CFAP58: variants seen among roughly 807,000 people sequenced by gnomAD.
The protein encoded by CFAP58 is cilia and flagella associated protein 58, also known as cilia- and flagella-associated protein 58.
Under a neutral mutation model 119.5 loss-of-function variants are expected in CFAP58, and 88 were observed. The observed-to-expected ratio is 0.74, with a 90% CI of 0.62 to 0.88. The LOEUF is 0.88. Among genes scored for constraint, CFAP58 ranks in the 40% least tolerant of loss-of-function variants. The probability of loss-of-function intolerance (pLI) is 0.00; values close to 1 mark genes in which losing one functional copy is unlikely to be tolerated. For missense variants in CFAP58, 990 were observed against 1,021.2 expected, an observed-to-expected ratio of 0.97 and a Z score of 0.42; for synonymous variants, 365 against 366.3, an observed-to-expected ratio of 1.00 and a Z score of 0.04.
chr10:104,376,707 G>A, intron 7 of CFAP58, 104 bp from the exon 8 acceptor site: 1 of 799,862 alleles, frequency 1.3e-6, no homozygotes, highest in Middle Eastern at 2.3e-4. Flanking sequence ...TAGTTTTATA[G>A]CTAGAGACAA....
chr10:104,389,658 A>C lies in CFAP58; in HGVS notation c.1366-2575A>C, dbSNP rs543379996. Among the ~76,000 whole-genome samples, 3 of 152,280 alleles carry C rather than the reference A, an allele frequency of 2.0e-5. No homozygotes were observed. The East Asian group carries it at 5.8e-4, about 29-fold the overall frequency. On this transcript the variant is annotated intron_variant, in intron 9 of 17. Transcript: ENST00000369704. ...TTCTATGGTGAAGTCACACCCTACA[A>C]GTGAACTTGAGGGTAGAGAATGTGT...
chr10:104,401,270 G>A (rs930831602), intron 13 of CFAP58, among the ~76,000 whole-genome samples: 1 of 152,158 alleles, frequency 6.6e-6, no homozygotes, highest in Non-Finnish European at 1.5e-5. Context: ...GCAAGAGAGG[G>A]AGCATCAATA....
chr10:104,384,976 A>T (rs2011892244), intron 9 of CFAP58, among the ~76,000 whole-genome samples: 1 of 152,182 alleles, frequency 6.6e-6, no homozygotes, highest in African/African-American at 2.4e-5. Flanking sequence ...TAAGACAGGA[A>T]TGATGGAGGA....
At chr10:104,429,731 A>G (rs1456009528) in intron 15 of CFAP58, among the ~76,000 whole-genome samples, 4 of 152,102 alleles carry the variant, frequency 2.6e-5, no homozygotes, top group African/African-American at 9.7e-5. Context: ...CCTCACTTTT[A>G]TTTTTATAAA....
At position 104,369,936 on chromosome 10, in the gene CFAP58, C is replaced by T. The variant is rs553986423; in HGVS notation, c.931-959C>T. The stretch of plus-strand genomic sequence containing the variant: ...AAGCTTGAAGTCTTTAGACAAAAAT[C>T]GGGTGCTTTTCTTTGCTAGGATTAT... On this transcript the variant is annotated intron_variant, in intron 6 of 17. Transcript: ENST00000369704. 2.1e-3 allele frequency among the ~76,000 whole-genome samples: 314 copies of T among 152,218 alleles called. 1 individual carries two copies. Among genetic ancestry groups the T allele is most frequent in the African/African-American group, 6.2e-3 (258 of 41,540 alleles).
At chr10:104,444,134 T>G (rs1213389326) in intron 15 of CFAP58, among the ~76,000 whole-genome samples, 1 of 152,190 alleles carries the variant, frequency 6.6e-6, no homozygotes, top group African/African-American at 2.4e-5. Flanking sequence ...CATAAAATAG[T>G]GAGGCATGCT....
chr10:104,446,969 C>A (rs1454256125), intron 15 of CFAP58, among the ~76,000 whole-genome samples: 3 of 152,048 alleles, frequency 2.0e-5, no homozygotes, highest in Middle Eastern at 3.2e-3. Flanking sequence ...TACCTCTTCC[C>A]TCAAGACATT....
At chr10:104,407,595 A>C (rs1374075617) in intron 15 of CFAP58, among the ~76,000 whole-genome samples, 3 of 152,194 alleles carry the variant, frequency 2.0e-5, no homozygotes, top group African/African-American at 7.2e-5. Context: ...GTGAAAATGG[A>C]TATTGTGAGG....
At chr10:104,342,490 T>A in the CFAP58 span, among the ~76,000 whole-genome samples, 4 of 151,978 alleles carry the variant, frequency 2.6e-5, no homozygotes, top group African/African-American at 9.7e-5. Context: ...GATGGAATGT[T>A]CTTCATGATC....
At chr10:104,379,331 AC>A (rs1400540762) in intron 8 of CFAP58, among the ~76,000 whole-genome samples, 13 of 152,226 alleles carry the variant, frequency 8.5e-5, no homozygotes, top group African/African-American at 3.1e-4. Flanking sequence ...CCGTTGTAGC[AC>A]GCATCAGTAC....
the CFAP58 span, among the ~76,000 whole-genome samples, chr10:104,345,155 AC>A: frequency 1.6e-3 from 245 of 151,592 alleles, no homozygotes; most frequent in Middle Eastern, 6.8e-3. Context: ...TCAAAAAAAA[AC>A]AAAAACAAAA....
chr10:104,398,928 G>A (rs920189161), intron 11 of CFAP58, among the ~76,000 whole-genome samples: 2 of 152,072 alleles, frequency 1.3e-5, no homozygotes, highest in Non-Finnish European at 2.9e-5. Flanking sequence ...TTTGCAGTTC[G>A]TGTGCTGGTG....
At chr10:104,404,475 T>C (rs2012322455) in intron 14 of CFAP58, among the ~76,000 whole-genome samples, 1 of 152,208 alleles carries the variant, frequency 6.6e-6, no homozygotes, top group African/African-American at 2.4e-5. Flanking sequence ...TCTCTTTAGT[T>C]GTAACTAGCA....
chr10:104,415,133 A>G (rs1245598501), intron 15 of CFAP58, among the ~76,000 whole-genome samples: 3 of 152,098 alleles, frequency 2.0e-5, no homozygotes, highest in South Asian at 2.1e-4. Flanking sequence ...ACAGGATGCT[A>G]TGGGACTCTA....
chr10:104,357,928 T>C lies in CFAP58; in HGVS notation c.10-413T>C, dbSNP rs545846506. Among the ~76,000 whole-genome samples the C allele has an allele frequency of 2.3e-3, 278 of 118,970 alleles. 13 individuals carry two copies. The highest frequency in any genetic ancestry group is 0.011 in the African/African-American group (240 of 21,296). The allele number at this position is 118,970 out of a possible 152,430, so 78.0% of individuals were successfully genotyped here. A position where few individuals can be genotyped will look rare whatever the true frequency, so the allele number is the denominator to read the frequency against. ...ACATATACACACATATATGTACACATATACACACATATATGTACACATATA... is the reference window on the plus strand; with the variant it reads ...ACATATACACACATATATGTACACACATACACACATATATGTACACATATA... On this transcript the variant is annotated intron_variant, in intron 1 of 17. Transcript: ENST00000369704.
intron 16 of CFAP58, among the ~76,000 whole-genome samples, chr10:104,449,691 G>C (rs1471289585): frequency 1.3e-5 from 2 of 152,054 alleles, no homozygotes; most frequent in Non-Finnish European, 1.5e-5. Context: ...TGTTTTTCTT[G>C]AATATTTTCT....
chr10:104,350,302 G>A (rs531295514), upstream of CFAP58, among the ~76,000 whole-genome samples: 8 of 152,332 alleles, frequency 5.3e-5, 2 homozygotes, highest in African/African-American at 1.9e-4. Context: ...ACGCGATCTT[G>A]TTGGGTGTGT....
At chr10:104,421,617 A>T (rs1395308677) in intron 15 of CFAP58, among the ~76,000 whole-genome samples, 1 of 152,222 alleles carries the variant, frequency 6.6e-6, no homozygotes, top group East Asian at 1.9e-4. Context: ...AGACTAAAGA[A>T]GGCTTACACA....
At position 104,358,335 on chromosome 10, in the gene CFAP58, C is replaced by A; in HGVS notation, c.10-6C>A. ...GCCCTTTCCCATCCCTGCTTTTTTT[C>A]TATAGGAAAAGGGTGGAAAGCAAGT... On this transcript the variant is annotated splice_polypyrimidine_tract_variant and splice_region_variant and intron_variant, in intron 1 of 17. Transcript: ENST00000369704. 1 of 1,597,538 alleles carries A rather than the reference C, an allele frequency of 6.3e-7. No homozygotes were observed.
Sources: allele counts gnomAD v4.1 joint callset (sites outside exome capture counted in the v4.1 genomes callset), GRCh38; gene constraint gnomAD v4.1.1; transcripts MANE v1.5; gene names NCBI Gene and HGNC (gene_info 2026-07-23, HGNC 2026-07-21).